CACHD1: variants seen among roughly 807,000 people sequenced by gnomAD.
The protein encoded by CACHD1 is cache domain containing 1.
A neutral mutation model predicts 138.7 loss-of-function variants in CACHD1; 71 were observed. The ratio of observed to expected loss-of-function variants is 0.51; its 90% CI spans 0.42 to 0.62. The LOEUF (loss-of-function observed/expected upper bound fraction) is 0.62. CACHD1 is among the 20% of genes least tolerant of loss of function. CACHD1 has a pLI of 0.00. For missense variants in CACHD1, 1,389 were observed against 1,625.3 expected (o/e 0.85, Z 2.50); for synonymous variants, 578 against 591.5 (o/e 0.98, Z 0.33).
chr1:64,597,084 T>TG (rs948698504), intron 3 of CACHD1, among the ~76,000 whole-genome samples: 7 of 151,494 alleles, frequency 4.6e-5, no homozygotes, highest in Admixed American at 6.6e-5. Context: ...GGTGTGTGAG[T>TG]GGGGGGGTGC....
Position 64,690,456 on chromosome 1 carries a change from T to G in CACHD1, c.3587-867T>G, listed in dbSNP as rs185484986. ...TGTTTAAAGGAGATTTTTGCAATAT[T>G]TAAAAACATGCCAGGAATCTCAGAA... On this transcript the variant is annotated intron_variant, in intron 26 of 26. Transcript: ENST00000651257. Among the ~76,000 whole-genome samples, 80 of 152,304 alleles carry G rather than the reference T, an allele frequency of 5.3e-4. 1 individual carries two copies. Among genetic ancestry groups the G allele is most frequent in the Admixed American group, 1.4e-3 (21 of 15,298 alleles).
intron 10 of CACHD1, among the ~76,000 whole-genome samples, chr1:64,653,029 G>A (rs1421578311): frequency 6.6e-6 from 1 of 152,198 alleles, no homozygotes; most frequent in Non-Finnish European, 1.5e-5. Flanking sequence ...TAAAGAAAAT[G>A]TGGTACATAT....
At chr1:64,483,901 A>C in intron 1 of CACHD1, among the ~76,000 whole-genome samples, 4 of 125,632 alleles carry the variant, frequency 3.2e-5, no homozygotes, top group South Asian at 2.8e-4. Context: ...TTCTTTCAGC[A>C]CTCCAAGCAC....
chr1:64,528,661 T>C (rs12077000), intron 1 of CACHD1, among the ~76,000 whole-genome samples: 5,557 of 152,266 alleles, frequency 0.036, 165 homozygotes, highest in African/African-American at 0.077. Flanking sequence ...AAAGTGCTTT[T>C]GTTTGAAAGA....
At chr1:64,546,899 T>A (rs1646722377) in intron 1 of CACHD1, among the ~76,000 whole-genome samples, 1 of 152,150 alleles carries the variant, frequency 6.6e-6, no homozygotes, top group Non-Finnish European at 1.5e-5. Context: ...TATATCTTGC[T>A]TAAAATAAAA....
chr1:64,674,756 T>C (rs997961657), intron 19 of CACHD1, among the ~76,000 whole-genome samples: 6 of 152,322 alleles, frequency 3.9e-5, no homozygotes, highest in South Asian at 2.1e-4. Flanking sequence ...GAAAAATGAT[T>C]ACATGCAACT....
chr1:64,626,340 T>C (rs1302859447), intron 4 of CACHD1, among the ~76,000 whole-genome samples: 1 of 152,200 alleles, frequency 6.6e-6, no homozygotes, highest in Non-Finnish European at 1.5e-5. Flanking sequence ...AATCAAAATA[T>C]TTGCCATAGA....
chr1:64,520,829 C>T (rs1366160690), intron 1 of CACHD1, among the ~76,000 whole-genome samples: 1 of 152,154 alleles, frequency 6.6e-6, no homozygotes, highest in Non-Finnish European at 1.5e-5. Context: ...TACTCCCCCT[C>T]TAATCAACTG....
chr1:64,620,024 A>G (rs1277881068), intron 4 of CACHD1, among the ~76,000 whole-genome samples: 1 of 152,184 alleles, frequency 6.6e-6, no homozygotes, highest in Admixed American at 6.6e-5. Flanking sequence ...TGTTATTTTT[A>G]TCTAAATCTC....
At chr1:64,512,580 GACAC>G (rs570344038) in intron 1 of CACHD1, among the ~76,000 whole-genome samples, 1 of 152,008 alleles carries the variant, frequency 6.6e-6, no homozygotes, top group Admixed American at 6.6e-5. Flanking sequence ...GCTAGGGACA[GACAC>G]ACACACCCCT....
rs149754993 is a variant in CACHD1, at chr1:64,669,182, C to T, written c.2388-2382C>T. Among the ~76,000 whole-genome samples the T allele has an allele frequency of 2.8e-3, 420 of 152,212 alleles. 3 individuals carry two copies. Among genetic ancestry groups the T allele is most frequent in the African/African-American group, 9.7e-3 (403 of 41,536 alleles). On this transcript the variant is annotated intron_variant, in intron 16 of 26. Coordinates refer to ENST00000651257, the MANE Select transcript of CACHD1 (RefSeq NM_020925.4). ...CTTTTATAATAATGTTTTGTGACCTCGCTGACTTCATATGTAAAACAGAGG... is the reference window on the plus strand; with the variant it reads ...CTTTTATAATAATGTTTTGTGACCTTGCTGACTTCATATGTAAAACAGAGG...
rs878901543 is a variant in CACHD1 at position 64,691,809 on chromosome 1, A to G, written c.*248A>G. On this transcript the variant is annotated 3_prime_UTR_variant, in exon 27 of 27. Transcript: ENST00000651257. ...AATAAGCCTGATGAACAGACCTGCC[A>G]TAACACTAATGGAAGGTAACAGAAG... 1.4e-5 allele frequency: 7 copies of G among 505,926 alleles called. No individual in the cohort carries two copies. Among genetic ancestry groups the G allele is most frequent in the East Asian group, 3.3e-5 (1 of 30,124 alleles). 31.3% of individuals were successfully genotyped at this position (505,926 alleles called of 1,614,324 possible). A position where few individuals can be genotyped will look rare whatever the true frequency, so the allele number is the denominator to read the frequency against.
chr1:64,509,937 A>G (rs1400804562), intron 1 of CACHD1, among the ~76,000 whole-genome samples: 5 of 152,200 alleles, frequency 3.3e-5, no homozygotes, highest in Admixed American at 3.3e-4. Context: ...ATATTTTTTA[A>G]ATGCTGAAAA....
intron 4 of CACHD1, among the ~76,000 whole-genome samples, chr1:64,611,316 C>T (rs1647525435): frequency 6.6e-6 from 1 of 152,186 alleles, no homozygotes; most frequent in African/African-American, 2.4e-5. Context: ...TGAATTTCTC[C>T]CCAGGAAATG....
chr1:64,606,127 A>G (rs960741391), intron 4 of CACHD1, among the ~76,000 whole-genome samples: 3 of 151,766 alleles, frequency 2.0e-5, no homozygotes, highest in Non-Finnish European at 2.9e-5. Flanking sequence ...ACACACACAC[A>G]CACGCACACA....
intron 16 of CACHD1, among the ~76,000 whole-genome samples, chr1:64,666,420 C>T (rs1425627065): frequency 6.6e-6 from 1 of 152,104 alleles, no homozygotes; most frequent in Non-Finnish European, 1.5e-5. Context: ...GCTGTTAGCC[C>T]TGTTCTTGGC....
At chr1:64,608,016 G>A (rs1647393004) in intron 4 of CACHD1, among the ~76,000 whole-genome samples, 1 of 152,112 alleles carries the variant, frequency 6.6e-6, no homozygotes, top group Admixed American at 6.5e-5. Flanking sequence ...TTCAGAGGGT[G>A]GGGAAGAAGA....
intron 7 of CACHD1, among the ~76,000 whole-genome samples, chr1:64,637,193 T>C (rs1173753184): frequency 1.3e-5 from 2 of 152,246 alleles, no homozygotes; most frequent in East Asian, 1.9e-4. Flanking sequence ...TTGATTATTA[T>C]ACTTTTCAAA....
At chr1:64,686,077 T>G (rs1043917471) in intron 26 of CACHD1, among the ~76,000 whole-genome samples, 10 of 152,142 alleles carry the variant, frequency 6.6e-5, no homozygotes, top group African/African-American at 2.4e-4. Context: ...AGGAAAGGGG[T>G]GAGAGTTCAC....
Sources: allele counts gnomAD v4.1 joint callset (sites outside exome capture counted in the v4.1 genomes callset), GRCh38; gene constraint gnomAD v4.1.1; transcripts MANE v1.5; gene names NCBI Gene and HGNC (gene_info 2026-07-23, HGNC 2026-07-21).